The following WDPCP variants were observed in gnomAD, a reference collection of about 807,000 sequenced individuals.
WDPCP encodes the protein WD repeat-containing and planar cell polarity effector protein fritz homolog.
A neutral mutation model predicts 93.1 loss-of-function variants in WDPCP; 71 were observed. That is an observed-to-expected ratio of 0.76 (90% CI 0.63 to 0.93). The LOEUF (loss-of-function observed/expected upper bound fraction) is 0.93. Ranked by LOEUF, WDPCP falls within the 40% of genes least tolerant of loss-of-function variation. The pLI is 0.00. For synonymous variants in WDPCP, 315 were observed against 315.0 expected (o/e 1.00, Z 0.00); for missense variants, 844 against 887.4 (o/e 0.95, Z 0.62).
At chr2:63,736,741 T>G (rs1669645251) in intron 2 of WDPCP, among the ~76,000 whole-genome samples, 1 of 152,062 alleles carries the variant, frequency 6.6e-6, no homozygotes, top group South Asian at 2.1e-4. Flanking sequence ...TTTGTAGGGA[T>G]GTTTTGAAAG....
intron 1 of WDPCP, among the ~76,000 whole-genome samples, chr2:63,584,769 TATA>T (rs959894116): frequency 6.6e-6 from 1 of 152,166 alleles, no homozygotes; most frequent in Non-Finnish European, 1.5e-5. Flanking sequence ...AATGAAGATT[TATA>T]GAGACCAGGA....
At chr2:63,564,220 A>C (rs1706853181) in intron 1 of WDPCP, 1 of 152,196 alleles carries the variant, frequency 6.6e-6, no homozygotes, top group Non-Finnish European at 1.5e-5. Context: ...TGGAAATTTC[A>C]TTTTCTCATT....
chr2:63,319,115 A>G (rs1359050494), intron 12 of WDPCP, among the ~76,000 whole-genome samples: 1 of 152,196 alleles, frequency 6.6e-6, no homozygotes, highest in Non-Finnish European at 1.5e-5. Flanking sequence ...GTCTTTGTGC[A>G]GCGACTCCTC....
chr2:63,758,583 C>A (rs1017278647), intron 2 of WDPCP, among the ~76,000 whole-genome samples: 1 of 152,072 alleles, frequency 6.6e-6, no homozygotes, highest in Admixed American at 6.6e-5. Flanking sequence ...GGACTACAGG[C>A]ACATGCCACC....
chr2:63,180,309 T>C (rs990812986), intron 14 of WDPCP, among the ~76,000 whole-genome samples: 4 of 152,148 alleles, frequency 2.6e-5, no homozygotes. Context: ...ATAATATACA[T>C]AGTACCCATT....
intron 14 of WDPCP, among the ~76,000 whole-genome samples, chr2:63,219,859 C>T (rs899854250): frequency 4.6e-5 from 7 of 151,852 alleles, no homozygotes; most frequent in Non-Finnish European, 7.4e-5. Flanking sequence ...AAAAATTAGC[C>T]GGGGGTGGTG....
intron 17 of WDPCP, among the ~76,000 whole-genome samples, chr2:63,125,634 G>A (rs1669843591): frequency 6.6e-6 from 1 of 152,096 alleles, no homozygotes; most frequent in South Asian, 2.1e-4. Flanking sequence ...ATAAGACGGT[G>A]TCTTGCTCTG....
intron 2 of WDPCP, among the ~76,000 whole-genome samples, chr2:63,749,156 T>A (rs890800926): frequency 1.3e-5 from 2 of 152,100 alleles, no homozygotes; most frequent in African/African-American, 4.8e-5. Context: ...GTTTAGAACT[T>A]TGATATTTCA....
chr2:63,781,336 C>T (rs1379471405), intron 2 of WDPCP, among the ~76,000 whole-genome samples: 1 of 152,048 alleles, frequency 6.6e-6, no homozygotes, highest in African/African-American at 2.4e-5. Flanking sequence ...GTCACATGTG[C>T]CAAATATGTG....
chr2:63,557,099 A>G (rs535327859), intron 1 of WDPCP, among the ~76,000 whole-genome samples: 2 of 152,336 alleles, frequency 1.3e-5, no homozygotes, highest in East Asian at 3.9e-4. Flanking sequence ...ACTATGAAGC[A>G]ACTACAACAT....
At chr2:63,405,547 GT>G (rs1694503585) in intron 9 of WDPCP, among the ~76,000 whole-genome samples, 1 of 148,026 alleles carries the variant, frequency 6.8e-6, no homozygotes, top group Non-Finnish European at 1.5e-5. Flanking sequence ...GTGTGTGTGT[GT>G]GTGTGTGTGT....
chr2:63,148,293 C>T (rs1369221941), intron 17 of WDPCP, among the ~76,000 whole-genome samples: 1 of 152,066 alleles, frequency 6.6e-6, no homozygotes, highest in African/African-American at 2.4e-5. Flanking sequence ...CACCACTGCA[C>T]TCCAGTCTGG....
In WDPCP at chr2:63,313,886, A is replaced by ATATATATATATATTTT; in HGVS notation, c.1749-576_1749-575insAAAATATATATATATA. On this transcript the variant is annotated intron_variant, in intron 12 of 17. Transcript: ENST00000272321. ...TATATATATATATATATATATATAT[A>ATATATATATATATTTT]TTTTTTTTTTTTTGGAGATGGAGTC... is the stretch of plus-strand genomic sequence containing the variant. Among the ~76,000 whole-genome samples, 273 of 74,458 alleles carry ATATATATATATATTTT rather than the reference A, an allele frequency of 3.7e-3. 4 individuals are homozygous for ATATATATATATATTTT. Among genetic ancestry groups the ATATATATATATATTTT allele is most frequent in the East Asian group, 0.013 (34 of 2,572 alleles). The allele number at this position is 74,458 out of a possible 152,430, so 48.8% of individuals were successfully genotyped here.
chr2:63,361,821 G>A (rs999200211), intron 12 of WDPCP, among the ~76,000 whole-genome samples: 7 of 152,144 alleles, frequency 4.6e-5, no homozygotes, highest in African/African-American at 7.2e-5. Flanking sequence ...TTCTCAGAGC[G>A]GGAGGGGTGA....
intron 13 of WDPCP, among the ~76,000 whole-genome samples, chr2:63,267,245 C>T (rs1434000405): frequency 6.6e-6 from 1 of 152,150 alleles, no homozygotes; most frequent in Non-Finnish European, 1.5e-5. Context: ...ATTTATTGTC[C>T]TTTCCAATTT....
At chr2:63,719,411 C>G (rs1669383928) in intron 2 of WDPCP, among the ~76,000 whole-genome samples, 1 of 152,052 alleles carries the variant, frequency 6.6e-6, no homozygotes, top group Non-Finnish European at 1.5e-5. Context: ...CCAAGCCCAC[C>G]AACAAAACCT....
At chr2:63,586,725 A>G (rs976344779) in intron 1 of WDPCP, among the ~76,000 whole-genome samples, 6 of 152,232 alleles carry the variant, frequency 3.9e-5, no homozygotes, top group Non-Finnish European at 8.8e-5. Context: ...TCAATTCTGT[A>G]TATCTGGACT....
At chr2:63,788,098 C>T (rs962797329) in intron 2 of WDPCP, among the ~76,000 whole-genome samples, 5 of 152,026 alleles carry the variant, frequency 3.3e-5, no homozygotes, top group African/African-American at 9.7e-5. Flanking sequence ...ACCATATTAT[C>T]TCTTTTTATT....
chr2:63,291,452 T>C (rs1008475043), intron 13 of WDPCP, among the ~76,000 whole-genome samples: 1 of 152,214 alleles, frequency 6.6e-6, no homozygotes, highest in Non-Finnish European at 1.5e-5. Flanking sequence ...GGCAAATTAA[T>C]GTCTCCATAG....
Sources: allele counts gnomAD v4.1 joint callset (sites outside exome capture counted in the v4.1 genomes callset), GRCh38; gene constraint gnomAD v4.1.1; transcripts MANE v1.5; gene names NCBI Gene and HGNC (gene_info 2026-07-23, HGNC 2026-07-21).